ZNF367: variants seen among roughly 807,000 people sequenced by gnomAD.
ZNF367 encodes the protein zinc finger protein 367, also known as C2H2 zinc finger protein ZFF29.
ZNF367 carries 11 observed loss-of-function variants against 31.8 expected under a neutral mutation model. The ratio of observed to expected loss-of-function variants is 0.35; its 90% confidence interval spans 0.22 to 0.57. The LOEUF is 0.57. Among genes scored for constraint, ZNF367 ranks in the 20% least tolerant of loss-of-function variants. The probability of loss-of-function intolerance (pLI) is 0.85; values close to 1 mark genes in which losing one functional copy is unlikely to be tolerated. For missense variants in ZNF367, 353 were observed against 484.1 expected, an observed-to-expected ratio of 0.73 and a Z score of 2.54; for synonymous variants, 199 against 202.4, an observed-to-expected ratio of 0.98 and a Z score of 0.14.
chr9:96,388,744 G>A (rs1831434418), intron 4 of ZNF367, among the ~76,000 whole-genome samples: 1 of 152,206 alleles, frequency 6.6e-6, no homozygotes, highest in South Asian at 2.1e-4. Flanking sequence ...TAAAGAGCCT[G>A]TGTGAAATGG....
intron 2 of ZNF367, among the ~76,000 whole-genome samples, chr9:96,396,624 T>A (rs1831533478): frequency 6.6e-6 from 1 of 152,048 alleles, no homozygotes; most frequent in Non-Finnish European, 1.5e-5. Flanking sequence ...TATGAACCAC[T>A]TCTAGAAGGC....
rs1431577318 is a variant in ZNF367, at chr9:96,417,261, A to G, written c.420+352T>C. On this transcript the variant is annotated intron_variant, in intron 1 of 4. Transcript: ENST00000375256. The surrounding 1 kb of genome is among the most constrained non-coding windows in gnomAD (Gnocchi z 5.0). ...TCCCTGCCCTCTCGCAGTCGGTGGAACAACTCAAGGCCCTCATCCCTCTCG... is the reference window on the plus strand; with the variant it reads ...TCCCTGCCCTCTCGCAGTCGGTGGAGCAACTCAAGGCCCTCATCCCTCTCG... 1.3e-5 allele frequency among the ~76,000 whole-genome samples: 2 copies of G among 152,076 alleles called. No homozygotes were observed. The highest frequency in any genetic ancestry group is 2.9e-5 in the Non-Finnish European group (2 of 67,996).
At chr9:96,414,789 T>C (rs1587750784) in intron 1 of ZNF367, among the ~76,000 whole-genome samples, 1 of 152,118 alleles carries the variant, frequency 6.6e-6, no homozygotes, top group Non-Finnish European at 1.5e-5. Context: ...GTTAGCAATT[T>C]TTATAAAATG....
intron 1 of ZNF367, among the ~76,000 whole-genome samples, chr9:96,410,558 T>C: frequency 1.2e-5 from 1 of 84,984 alleles, no homozygotes; most frequent in Non-Finnish European, 2.1e-5. Context: ...AGAGACTCCG[T>C]CTCAAAAAAA....
At chr9:96,416,408 T>G (rs1831831862) in intron 1 of ZNF367, among the ~76,000 whole-genome samples, 1 of 152,202 alleles carries the variant, frequency 6.6e-6, no homozygotes, top group African/African-American at 2.4e-5. Flanking sequence ...TTTCAAATGT[T>G]TACTGAGGTG....
At chr9:96,406,846 C>CA (rs1230484417) in intron 1 of ZNF367, among the ~76,000 whole-genome samples, 18 of 150,712 alleles carry the variant, frequency 1.2e-4, no homozygotes, top group African/African-American at 4.4e-4. Flanking sequence ...TAAAAAAATA[C>CA]AAAAAATTAG....
chr9:96,396,547 G>A (rs1326889168), intron 2 of ZNF367, among the ~76,000 whole-genome samples: 8 of 152,082 alleles, frequency 5.3e-5, no homozygotes, highest in African/African-American at 9.6e-5. Flanking sequence ...TAAACATGGT[G>A]GAAAAAAATA....
intron 1 of ZNF367, among the ~76,000 whole-genome samples, chr9:96,416,072 G>GTT (rs796791097): frequency 2.9e-5 from 4 of 139,548 alleles, no homozygotes; most frequent in East Asian, 2.1e-4. Context: ...CTCTGTTATG[G>GTT]TTTTTTTTTT....
At chr9:96,398,956 G>A (rs1831566527) in intron 1 of ZNF367, among the ~76,000 whole-genome samples, 1 of 152,152 alleles carries the variant, frequency 6.6e-6, no homozygotes, top group Admixed American at 6.5e-5. Context: ...TCTCTTCAGA[G>A]GGTATTGCTC....
chr9:96,388,001 C>T lies in ZNF367; in HGVS notation c.*236G>A. The T allele has an allele frequency of 2.0e-6, 1 of 493,750 alleles. No homozygotes were observed. The highest frequency in any genetic ancestry group is 3.5e-6 in the Non-Finnish European group (1 of 284,724). The allele number at this position is 493,750 out of a possible 1,614,324, so 30.6% of individuals were successfully genotyped here. On this transcript the variant is annotated 3_prime_UTR_variant, in exon 5 of 5. Coordinates refer to ENST00000375256, the MANE Select transcript of ZNF367 (RefSeq NM_153695.4). ...CTTCCCACAATATGTAGTTTTCTAC[C>T]CTGTACTGTGCAGTCCATATTTACA...
rs1448236574 is a variant in ZNF367, at chr9:96,388,065, A to T, written c.*172T>A. On this transcript the variant is annotated 3_prime_UTR_variant, in exon 5 of 5. Transcript: ENST00000375256. Reference sequence around the variant, plus strand: ...TTTACGATGAATTCATTTCCATATTAAAAAAGTGCAGTTCTCTCTCACCCC... The same window carrying T: ...TTTACGATGAATTCATTTCCATATTTAAAAAGTGCAGTTCTCTCTCACCCC... 2.3e-5 allele frequency: 14 copies of T among 615,472 alleles called. No homozygotes were observed. Among genetic ancestry groups the T allele is most frequent in the Middle Eastern group, 4.4e-4 (1 of 2,270 alleles). The allele number at this position is 615,472 out of a possible 1,614,324, so 38.1% of individuals were successfully genotyped here.
rs1473550453 is a variant in ZNF367, at chr9:96,388,267, G to A, written c.1023C>T (p.Ala341=). 6.8e-6 allele frequency: 11 copies of A among 1,611,864 alleles called. No individual in the cohort carries two copies. Among genetic ancestry groups the A allele is most frequent in the Non-Finnish European group, 9.3e-6 (11 of 1,179,906 alleles). ...LHGALALIEL[A]NLTGAPLRQ Reference sequence around the variant, plus strand: ...GTCGGAGTGGCGCCCCAGTCAGGTTGGCAAGCTCTATGAGCGCGAGGGCTC... The same window carrying A: ...GTCGGAGTGGCGCCCCAGTCAGGTTAGCAAGCTCTATGAGCGCGAGGGCTC... The change falls in exon 5 of 5, where the codon GCC becomes GCT. Residue 341 remains alanine (A), a synonymous_variant. Coordinates refer to ENST00000375256, the MANE Select transcript of ZNF367 (RefSeq NM_153695.4).
chr9:96,408,304 A>G (rs976341952), intron 1 of ZNF367, among the ~76,000 whole-genome samples: 4 of 152,258 alleles, frequency 2.6e-5, no homozygotes, highest in Non-Finnish European at 5.9e-5. Flanking sequence ...ACATATTTGC[A>G]CATCTGTGTT....
At chr9:96,407,001 CAAAAAAA>C (rs71368256) in intron 1 of ZNF367, among the ~76,000 whole-genome samples, 3 of 35,874 alleles carry the variant, frequency 8.4e-5, no homozygotes, top group Non-Finnish European at 1.5e-4. Flanking sequence ...GACTCCATCT[CAAAAAAA>C]AAAAAAAAAA....
Position 96,417,776 on chromosome 9 carries a change from GC to G in ZNF367, c.256del (p.Ala86ProfsTer71). 7.9e-7 allele frequency: 1 copy of G among 1,265,592 alleles called. No individual in the cohort carries two copies. The allele number at this position is 1,265,592 out of a possible 1,614,324, so 78.4% of individuals were successfully genotyped here. ...GGCGGCCGAGGCGGCGGCCCCCGCG[GC>G]CCCAGGGCTGAGCGTCACGTTGTGT... ...NAHNVTLSPG[A>X]AGAAASAALP... On this transcript the variant is annotated frameshift_variant, in exon 1 of 5. Transcript: ENST00000375256. LOFTEE classifies it high-confidence loss of function. The surrounding 1 kb of genome is among the most constrained non-coding windows in gnomAD (Gnocchi z 5.0).
intron 1 of ZNF367, among the ~76,000 whole-genome samples, chr9:96,410,948 A>G (rs1335728188): frequency 6.6e-6 from 1 of 151,748 alleles, no homozygotes; most frequent in African/African-American, 2.4e-5. Context: ...TGTAATCCCA[A>G]CACTTTTAAG....
intron 2 of ZNF367, 97 bp from the exon 3 acceptor site, chr9:96,395,039 C>T (rs1292211306): frequency 7.5e-7 from 1 of 1,335,576 alleles, no homozygotes; most frequent in Non-Finnish European, 1.0e-6. Flanking sequence ...TCATGACTCC[C>T]AATAACAATA....
intron 1 of ZNF367, among the ~76,000 whole-genome samples, chr9:96,411,817 T>C (rs1208500650): frequency 1.3e-5 from 2 of 152,220 alleles, no homozygotes; most frequent in East Asian, 3.9e-4. Context: ...TGCATTCTTT[T>C]GGGTTTTTTT....
chr9:96,395,253 C>G lies in ZNF367; in HGVS notation c.572-311G>C, dbSNP rs188360285. 5.3e-5 allele frequency among the ~76,000 whole-genome samples: 8 copies of G among 152,276 alleles called. No individual in the cohort carries two copies. The East Asian group carries it at 1.5e-3, about 29-fold the overall frequency. On this transcript the variant is annotated intron_variant, in intron 2 of 4. Coordinates refer to ENST00000375256, the MANE Select transcript of ZNF367 (RefSeq NM_153695.4). ...TCACTATGTCTTCCACCCACTCCTG[C>G]CTTCCCACTCAGCTTCCCCTGGTCA... is the stretch of plus-strand genomic sequence containing the variant.
Sources: gnomAD v4.1 joint callset for allele counts (sites outside exome capture counted in the v4.1 genomes callset) on GRCh38, gnomAD v4.1.1 for gene constraint, Gnocchi (gnomAD v3.1) non-coding constraint, MANE v1.5 for transcripts, NCBI Gene and HGNC (gene_info 2026-07-23, HGNC 2026-07-21) for gene names.